The following ITGAX variants were observed in gnomAD, a reference collection of about 807,000 sequenced individuals.
ITGAX encodes the protein integrin alpha-X.
ITGAX carries 99 observed loss-of-function variants against 140.2 expected under a neutral mutation model. The ratio of observed to expected loss-of-function variants is 0.71; its 90% CI spans 0.60 to 0.83. The LOEUF is 0.83. Among genes scored for constraint, ITGAX ranks in the 40% least tolerant of loss-of-function variants. ITGAX has a pLI of 0.00. For missense variants in ITGAX, 1,444 were observed against 1,482.0 expected, an observed-to-expected ratio of 0.97 and a Z score of 0.42; for synonymous variants, 631 against 600.4, an observed-to-expected ratio of 1.05 and a Z score of -0.75.
chr16:31,377,518 G>A (rs1459483435), intron 23 of ITGAX, among the ~76,000 whole-genome samples: 2 of 152,214 alleles, frequency 1.3e-5, no homozygotes, highest in Non-Finnish European at 2.9e-5. Context: ...CCCATTATGT[G>A]TGATCAAAAC....
chr16:31,382,130 GGACTT>G lies in ITGAX; in HGVS notation c.*230_*234del. ...CAGGGTCCCTGCTGTGTTCCCCAAA[GGACTT>G]GACTTGCAATTTCTACCTAGAAATA... On this transcript the variant is annotated 3_prime_UTR_variant, in exon 30 of 30. Transcript: ENST00000268296. 7.1e-7 allele frequency: 1 copy of G among 1,411,708 alleles called. No homozygotes were observed. Among genetic ancestry groups the G allele is most frequent in the South Asian group, 1.7e-5 (1 of 60,374 alleles). The allele number at this position is 1,411,708 out of a possible 1,614,324, so 87.4% of individuals were successfully genotyped here. A position where few individuals can be genotyped will look rare whatever the true frequency, so the allele number is the denominator to read the frequency against.
Position 31,380,512 on chromosome 16 carries a change from C to A in ITGAX, c.3175-11C>A, listed in dbSNP as rs977504471. On this transcript the variant is annotated splice_polypyrimidine_tract_variant and intron_variant, in intron 27 of 29. Transcript: ENST00000268296. Reference sequence around the variant, plus strand: ...AGCCAGTTCAACAGGTTTCCCCCAACCCCTTTGCAGATATTGCAGAAGAAG... The same window carrying A: ...AGCCAGTTCAACAGGTTTCCCCCAAACCCTTTGCAGATATTGCAGAAGAAG... 5 of 1,614,152 alleles carry A rather than the reference C, an allele frequency of 3.1e-6. No individual in the cohort carries two copies. The South Asian group carries it at 3.3e-5, about 11-fold the overall frequency.
intron 8 of ITGAX, 175 bp downstream of exon 8, chr16:31,360,638 G>A (rs2080814160): frequency 1.6e-6 from 1 of 613,382 alleles, no homozygotes; most frequent in Admixed American, 3.3e-5. Flanking sequence ...TCCCACCCCA[G>A]CCTCCCCAGT....
rs1567296367 is a variant in ITGAX, at chr16:31,360,429, C to CT, written c.828dup (p.Asp277Ter). On this transcript the variant is annotated frameshift_variant, in exon 8 of 30. Transcript: ENST00000268296. LOFTEE classifies it high-confidence loss of function. ...GATTATAAGGATGTCATCCCCATGG[C>CT]TGATGCAGCAGGCATCATCCGCTAT... The CT allele has an allele frequency of 6.2e-7, 1 of 1,613,380 alleles. No individual in the cohort carries two copies. The highest frequency in any genetic ancestry group is 8.5e-7 in the Non-Finnish European group (1 of 1,179,698).
chr16:31,366,667 C>T (rs919187321), intron 14 of ITGAX, among the ~76,000 whole-genome samples: 7 of 152,184 alleles, frequency 4.6e-5, no homozygotes, highest in Non-Finnish European at 8.8e-5. Flanking sequence ...AGGTGGGTGC[C>T]ACCATGCCTG....
At position 31,377,274 on chromosome 16, in the gene ITGAX, G is replaced by A. The variant is rs747462483; in HGVS notation, c.2789+9G>A. On this transcript the variant is annotated intron_variant, in intron 23 of 29. Coordinates refer to ENST00000268296, the MANE Select transcript of ITGAX (RefSeq NM_000887.5). The stretch of plus-strand genomic sequence containing the variant: ...TACACTGTGGTTAGCAGGTCAGCAG[G>A]TACCCCACTGCAGGAAAAAGGGTTC... The A allele has an allele frequency of 1.1e-5, 17 of 1,601,050 alleles. No individual in the cohort carries two copies. The highest frequency in any genetic ancestry group is 1.4e-5 in the African/African-American group (1 of 73,110).
chr16:31,356,921 C>A, intron 3 of ITGAX, 110 bp from the exon 4 acceptor site: 1 of 1,020,360 alleles, frequency 9.8e-7, no homozygotes, highest in Non-Finnish European at 1.5e-6. Context: ...CCGACAGCTT[C>A]CTTCACCGTC....
At position 31,363,189 on chromosome 16, in the gene ITGAX, G is replaced by C; in HGVS notation, c.1525G>C (p.Val509Leu). ...RGWRRWWCDA[V>L]LYGEQGHPWG... is the part of the protein sequence containing the mutation. ...GTGGAGAAGGTGGTGGTGTGATGCT[G>C]TTCTCTACGGGGAGCAGGGCCACCC... The change falls in exon 14 of 30, where the codon GTT becomes CTT. Residue 509 changes from valine to leucine, a missense_variant. Transcript: ENST00000268296. 6.2e-7 allele frequency: 1 copy of C among 1,611,462 alleles called. No homozygotes were observed. Among genetic ancestry groups the C allele is most frequent in the Non-Finnish European group, 8.5e-7 (1 of 1,178,848 alleles).
intron 17 of ITGAX, 146 bp from the exon 18 acceptor site, chr16:31,372,232 C>A: frequency 2.3e-6 from 2 of 884,254 alleles, no homozygotes; most frequent in Non-Finnish European, 3.4e-6. Flanking sequence ...AGGGAGGCCT[C>A]CTGAAGGCGG....
chr16:31,380,305 G>A lies in ITGAX; in HGVS notation c.3100G>A (p.Val1034Ile), dbSNP rs771763855. The A allele has an allele frequency of 9.3e-6, 15 of 1,614,062 alleles. No individual in the cohort carries two copies. The highest frequency in any genetic ancestry group is 6.7e-5 in the Admixed American group (4 of 60,004). Reference protein sequence around the residue: ...IAGCLRFRCDVPSFSVQEELD... With the variant: ...IAGCLRFRCDIPSFSVQEELD... ...TGGCTGCCTGCGGTTCCGCTGTGACGTCCCCTCCTTCAGCGTCCAGGAGGA... is the reference window on the plus strand; with the variant it reads ...TGGCTGCCTGCGGTTCCGCTGTGACATCCCCTCCTTCAGCGTCCAGGAGGA... Residue 1034 changes from valine to isoleucine, a missense_variant, in exon 27 of 30, where the codon GTC becomes ATC. Val to Ile is a conservative substitution (Grantham distance 29). Coordinates refer to ENST00000268296, the MANE Select transcript of ITGAX (RefSeq NM_000887.5).
chr16:31,372,598 T>G lies in ITGAX; in HGVS notation c.2294T>G (p.Leu765Arg). 2 of 1,614,168 alleles carry G rather than the reference T, an allele frequency of 1.2e-6. No individual in the cohort carries two copies. The highest frequency in any genetic ancestry group is 1.7e-6 in the Non-Finnish European group (2 of 1,180,004). Residue 765 changes from leucine to arginine, a missense_variant and splice_region_variant, in exon 19 of 30, where the codon CTA becomes CGA. Physicochemically the swap from Leu to Arg is moderately radical, Grantham distance 102 (BLOSUM62 -2). Coordinates refer to ENST00000268296, the MANE Select transcript of ITGAX (RefSeq NM_000887.5). Reference protein sequence around the residue: ...ADAQRYFTASLPFEKNCGADH... With the variant: ...ADAQRYFTASRPFEKNCGADH... ...ACCCCCCGTTGCCTTCCCACGCAGC[T>G]ACCCTTTGAGAAGAACTGTGGAGCC...
In ITGAX at chr16:31,380,290, C is replaced by T. The variant is rs1462210226; in HGVS notation, c.3085C>T (p.Arg1029Trp). 25 of 1,614,144 alleles carry T rather than the reference C, an allele frequency of 1.5e-5. No homozygotes were observed. Among genetic ancestry groups the T allele is most frequent in the Middle Eastern group, 1.6e-4 (1 of 6,062 alleles). ...GGACTGCTCCATTGCTGGCTGCCTGCGGTTCCGCTGTGACGTCCCCTCCTT... is the reference window on the plus strand; with the variant it reads ...GGACTGCTCCATTGCTGGCTGCCTGTGGTTCCGCTGTGACGTCCCCTCCTT... ...VLDCSIAGCL[R>W]FRCDVPSFSV... Residue 1029 changes from arginine (R) to tryptophan (W), a missense_variant, in exon 27 of 30, where the codon CGG (arginine) becomes TGG (tryptophan). Physicochemically the swap from Arg to Trp is moderately radical, Grantham distance 101. Transcript: ENST00000268296.
intron 14 of ITGAX, among the ~76,000 whole-genome samples, chr16:31,364,332 G>A (rs1381599029): frequency 1.3e-5 from 2 of 151,146 alleles, no homozygotes; most frequent in Non-Finnish European, 2.9e-5. Context: ...GGAGGCTGAG[G>A]TGGGAGGTCA....
At chr16:31,364,961 G>T (rs1008326282) in intron 14 of ITGAX, among the ~76,000 whole-genome samples, 2 of 152,180 alleles carry the variant, frequency 1.3e-5, no homozygotes, top group African/African-American at 4.8e-5. Flanking sequence ...GGGGGTTGTG[G>T]TGAGCCGAGA....
At chr16:31,358,370 G>GT (rs955579663) in intron 5 of ITGAX, 1 of 152,234 alleles carries the variant, frequency 6.6e-6, no homozygotes, top group African/African-American at 2.4e-5. Flanking sequence ...AGGCAAGAGG[G>GT]TTGTTTGAGG....
rs781179512 is a variant in ITGAX at position 31,380,596 on chromosome 16, C to CA, written c.3249dup (p.Gly1084ArgfsTer79). 6.2e-7 allele frequency: 1 copy of CA among 1,614,214 alleles called. No individual in the cohort carries two copies. Among genetic ancestry groups the CA allele is most frequent in the African/African-American group, 1.3e-5 (1 of 75,046 alleles). On this transcript the variant is annotated frameshift_variant, in exon 28 of 30. Coordinates refer to ENST00000268296, the MANE Select transcript of ITGAX (RefSeq NM_000887.5). LOFTEE classifies it high-confidence loss of function. ...GACACATCCGTGTACTCCCAGCTTC[C>CA]AGGACAGGAGGCATTTATGAGAGCT...
At chr16:31,363,128 TG>T in intron 13 of ITGAX, 36 bp from the exon 14 acceptor site, 1 of 1,606,374 alleles carries the variant, frequency 6.2e-7, no homozygotes, top group Middle Eastern at 1.8e-4. Context: ...GTGGAGGGGT[TG>T]CCCGGGTTGG....
Position 31,377,010 on chromosome 16 carries a change from T to C in ITGAX, c.2636T>C (p.Leu879Ser). The stretch of plus-strand genomic sequence containing the variant: ...GTTCCTTTTCCTCAGATCACCTTCT[T>C]GGCTACCTTTGACGTCTCCCCCAAG... Reference protein sequence around the residue: ...IFRGGAQITFLATFDVSPKAV... With the variant: ...IFRGGAQITFSATFDVSPKAV... Residue 879 changes from leucine to serine, a missense_variant, in exon 22 of 30, where the codon TTG (leucine) becomes TCG (serine). Transcript: ENST00000268296. 6.2e-7 allele frequency: 1 copy of C among 1,614,214 alleles called. No individual in the cohort carries two copies. The highest frequency in any genetic ancestry group is 8.5e-7 in the Non-Finnish European group (1 of 1,180,036).
intron 9 of ITGAX, 66 bp downstream of exon 9, chr16:31,361,279 C>G: frequency 1.3e-6 from 2 of 1,518,048 alleles, no homozygotes; most frequent in Non-Finnish European, 1.8e-6. Flanking sequence ...ACTTAGAACC[C>G]GAGGCTCCGT....
Sources: allele counts gnomAD v4.1 joint callset (sites outside exome capture counted in the v4.1 genomes callset), GRCh38; gene constraint gnomAD v4.1.1; transcripts MANE v1.5; gene names NCBI Gene and HGNC (gene_info 2026-07-23, HGNC 2026-07-21).